EZR: variants seen among roughly 807,000 people sequenced by gnomAD.
EZR encodes the protein cytovillin 2.
Under a neutral mutation model 74.8 loss-of-function variants are expected in EZR, and 40 were observed. The observed-to-expected ratio is 0.53, with a 90% CI of 0.42 to 0.70. The LOEUF is 0.70. Among genes scored for constraint, EZR ranks in the 30% least tolerant of loss-of-function variants. The probability of loss-of-function intolerance (pLI) is 0.00; values close to 1 mark genes in which losing one functional copy is unlikely to be tolerated. For missense variants in EZR, 678 were observed against 755.8 expected, an observed-to-expected ratio of 0.90 and a Z score of 1.21; for synonymous variants, 341 against 283.3, an observed-to-expected ratio of 1.20 and a Z score of -2.05.
At chr6:158,817,744 C>G (rs373206982) in intron 2 of EZR, among the ~76,000 whole-genome samples, 2 of 152,120 alleles carry the variant, frequency 1.3e-5, no homozygotes, top group South Asian at 2.1e-4. Flanking sequence ...GTGATTTGGA[C>G]TTTTTAAGAA....
intron 1 of EZR, among the ~76,000 whole-genome samples, chr6:158,818,690 T>C (rs1777621772): frequency 7.2e-6 from 1 of 138,858 alleles, no homozygotes. Context: ...GGCCCAGGGA[T>C]ACCCGGCGGG....
In EZR at chr6:158,778,147, T is replaced by A. The variant is rs145016985; in HGVS notation, c.699-1643A>T. On this transcript the variant is annotated intron_variant, in intron 7 of 13. Transcript: ENST00000367075. ...CTCCCAAAACACAAGAGCAGCCTGC[T>A]GGCACCAACAGAGAAGCTAGGATCC... Among the ~76,000 whole-genome samples the A allele has an allele frequency of 3.0e-3, 455 of 152,336 alleles. 4 individuals are homozygous for A. The highest frequency in any genetic ancestry group is 0.01 in the African/African-American group (435 of 41,578).
At position 158,788,693 on chromosome 6, in the gene EZR, G is replaced by A. The variant is rs1173752578; in HGVS notation, c.96+595C>T. ...CGCTGTATTTGAAGCAGCTGTTATT[G>A]GGGAAAAAAGTATTTAATAAGTAAG... On this transcript the variant is annotated intron_variant, in intron 3 of 13. Coordinates refer to ENST00000367075, the MANE Select transcript of EZR (RefSeq NM_001111077.2). Among the ~76,000 whole-genome samples the A allele has an allele frequency of 2.0e-5, 3 of 150,966 alleles. No individual in the cohort carries two copies. In the East Asian group the frequency reaches 5.8e-4, roughly 29 times the overall value.
At chr6:158,774,826 G>T (rs1350024152) in intron 8 of EZR, among the ~76,000 whole-genome samples, 2 of 151,826 alleles carry the variant, frequency 1.3e-5, no homozygotes, top group Non-Finnish European at 2.9e-5. Context: ...TACTGATGAA[G>T]AGATTTCAGC....
intron 6 of EZR, among the ~76,000 whole-genome samples, chr6:158,784,379 T>C (rs1791510651): frequency 6.6e-6 from 1 of 152,248 alleles, no homozygotes; most frequent in Non-Finnish European, 1.5e-5. Flanking sequence ...AGATGAAGTT[T>C]AGACACAACA....
intron 12 of EZR, 107 bp from the exon 13 acceptor site, chr6:158,767,619 T>A: frequency 8.2e-7 from 1 of 1,222,174 alleles, no homozygotes; most frequent in Non-Finnish European, 1.1e-6. Flanking sequence ...AAGGCAGCAC[T>A]GAACTGTGCT....
At chr6:158,768,582 G>GT (rs1242769490) in intron 12 of EZR, among the ~76,000 whole-genome samples, 1 of 152,160 alleles carries the variant, frequency 6.6e-6, no homozygotes, top group Admixed American at 6.5e-5. Flanking sequence ...TTAAAGCCTG[G>GT]TGTGCAGTCT....
chr6:158,811,659 G>C (rs1398609772), intron 2 of EZR, among the ~76,000 whole-genome samples: 2 of 152,176 alleles, frequency 1.3e-5, no homozygotes, highest in African/African-American at 4.8e-5. Flanking sequence ...TCAGGAATTT[G>C]AGACTAGCCG....
At chr6:158,767,587 C>CTG (rs2128563527) in intron 12 of EZR, 75 bp from the exon 13 acceptor site, 1 of 1,459,736 alleles carries the variant, frequency 6.9e-7, no homozygotes, top group East Asian at 2.3e-5. Context: ...CAGACTGTCA[C>CTG]CTCCCTCTGT....
chr6:158,777,698 T>C (rs3102971), intron 7 of EZR, among the ~76,000 whole-genome samples: 79,177 of 152,050 alleles, frequency 0.52, 21,591 homozygotes, highest in Non-Finnish European at 0.61. Flanking sequence ...TTCGTTATGA[T>C]CACATCAACT....
In EZR at chr6:158,813,118, A is replaced by C. The variant is rs550145668; in HGVS notation, c.12+4964T>G. ...AACACCCAAGAATGGCTTACAAGGC[A>C]TGGCCTGACCTGTCTTCCTCTCTAG... is the stretch of plus-strand genomic sequence containing the variant. On this transcript the variant is annotated intron_variant, in intron 2 of 13. Coordinates refer to ENST00000367075, the MANE Select transcript of EZR (RefSeq NM_001111077.2). Among the ~76,000 whole-genome samples, 4 of 152,348 alleles carry C rather than the reference A, an allele frequency of 2.6e-5. No homozygotes were observed. The East Asian group carries it at 7.7e-4, about 29-fold the overall frequency.
At chr6:158,789,234 T>A in intron 3 of EZR, 54 bp downstream of exon 3, 1 of 1,377,566 alleles carries the variant, frequency 7.3e-7, no homozygotes. Flanking sequence ...ACTGAAATGT[T>A]GCAAAACAGT....
chr6:158,806,798 C>A (rs1777349386), intron 2 of EZR, among the ~76,000 whole-genome samples: 1 of 152,152 alleles, frequency 6.6e-6, no homozygotes, highest in Non-Finnish European at 1.5e-5. Context: ...CTGTCTAAAT[C>A]CATTTAAGAG....
intron 2 of EZR, among the ~76,000 whole-genome samples, chr6:158,809,428 C>T (rs1777407080): frequency 1.3e-5 from 2 of 152,174 alleles, no homozygotes; most frequent in African/African-American, 4.8e-5. Context: ...TTAGCATATG[C>T]CAGAAATCTG....
chr6:158,801,712 C>A (rs887636507), intron 2 of EZR, among the ~76,000 whole-genome samples: 1 of 152,124 alleles, frequency 6.6e-6, no homozygotes, highest in African/African-American at 2.4e-5. Flanking sequence ...TTGTCACAAC[C>A]CTGATAACCA....
intron 2 of EZR, among the ~76,000 whole-genome samples, chr6:158,796,975 T>C: frequency 6.6e-6 from 1 of 152,202 alleles, no homozygotes; most frequent in East Asian, 1.9e-4. Flanking sequence ...ACAATCAAAT[T>C]TTGTATTTTG....
Position 158,776,543 on chromosome 6 carries a change from C to T in EZR, c.699-39G>A, listed in dbSNP as rs1554272259. 8.4e-6 allele frequency: 12 copies of T among 1,424,588 alleles called. No individual in the cohort carries two copies. The East Asian group carries it at 2.7e-4, about 32-fold the overall frequency. 88.2% of individuals were successfully genotyped at this position (1,424,588 alleles called of 1,614,324 possible). On this transcript the variant is annotated intron_variant, in intron 7 of 13. Transcript: ENST00000367075. ...GAAGAAGTGGATGGTTAGATGTATA[C>T]ATATGTTCTTGGATTGGCTAAGAGA...
chr6:158,817,816 A>G (rs1777591463), intron 2 of EZR, among the ~76,000 whole-genome samples: 1 of 152,164 alleles, frequency 6.6e-6, no homozygotes, highest in Non-Finnish European at 1.5e-5. Context: ...AAAGGCCTCT[A>G]GTTTTTAGAA....
At chr6:158,819,152 C>A (rs1403927060) in intron 1 of EZR, among the ~76,000 whole-genome samples, 165 bp downstream of exon 1, 11 of 151,934 alleles carry the variant, frequency 7.2e-5, no homozygotes, top group South Asian at 4.1e-4. Context: ...GGGCCGCGGG[C>A]CGGCTCAGCT....
Sources: allele counts gnomAD v4.1 joint callset (sites outside exome capture counted in the v4.1 genomes callset), GRCh38; gene constraint gnomAD v4.1.1; transcripts MANE v1.5; gene names NCBI Gene and HGNC (gene_info 2026-07-23, HGNC 2026-07-21).